INPP4A: variants seen among roughly 807,000 people sequenced by gnomAD.
The protein encoded by INPP4A is inositol polyphosphate-4-phosphatase type I A, also known as inositol polyphosphate-4-phosphatase, type I, 107kD.
INPP4A carries 33 observed loss-of-function variants against 119.8 expected under a neutral mutation model. The ratio of observed to expected loss-of-function variants is 0.28; its 90% CI spans 0.21 to 0.37. The LOEUF is 0.37. Ranked by LOEUF, INPP4A falls within the 10% of genes least tolerant of loss-of-function variation. The pLI is 1.00. For synonymous variants in INPP4A, 496 were observed against 500.7 expected (o/e 0.99, Z 0.12); for missense variants, 956 against 1,289.9 (o/e 0.74, Z 3.97).
chr2:98,452,003 C>T (rs149611265), intron 1 of INPP4A, among the ~76,000 whole-genome samples: 4 of 152,302 alleles, frequency 2.6e-5, no homozygotes, highest in African/African-American at 7.2e-5. Context: ...TCAAGGACCT[C>T]GATTCTGCTC....
chr2:98,528,932 G>C (rs895034384), intron 4 of INPP4A, among the ~76,000 whole-genome samples: 3 of 152,056 alleles, frequency 2.0e-5, no homozygotes, highest in Non-Finnish European at 4.4e-5. Context: ...AAAAAAATTA[G>C]CTGGGCGTGG....
At chr2:98,514,104 TG>T (rs1685648231) in intron 1 of INPP4A, among the ~76,000 whole-genome samples, 1 of 152,194 alleles carries the variant, frequency 6.6e-6, no homozygotes, top group African/African-American at 2.4e-5. Context: ...CTTTCTAGGT[TG>T]GATTAACAGC....
At chr2:98,577,859 G>A (rs1267170373) in intron 24 of INPP4A, among the ~76,000 whole-genome samples, 3 of 152,282 alleles carry the variant, frequency 2.0e-5, no homozygotes, top group South Asian at 2.1e-4. Flanking sequence ...CTGGTTTCCC[G>A]TCTCCTTCGA....
intron 16 of INPP4A, among the ~76,000 whole-genome samples, chr2:98,557,942 C>T (rs1008105485): frequency 7.9e-5 from 12 of 152,116 alleles, no homozygotes; most frequent in African/African-American, 2.9e-4. Flanking sequence ...CTGTTGCTCT[C>T]CTCATACCCA....
chr2:98,461,882 T>C (rs1358811805), intron 1 of INPP4A, among the ~76,000 whole-genome samples: 1 of 152,252 alleles, frequency 6.6e-6, no homozygotes, highest in Non-Finnish European at 1.5e-5. Flanking sequence ...CTTCAACCAG[T>C]GCTCTCTGGA....
chr2:98,534,597 A>G (rs924676407), intron 5 of INPP4A, among the ~76,000 whole-genome samples: 2 of 152,242 alleles, frequency 1.3e-5, no homozygotes, highest in Non-Finnish European at 2.9e-5. Context: ...GTGTGACCAC[A>G]GGGAAGGATC....
intron 1 of INPP4A, among the ~76,000 whole-genome samples, chr2:98,461,154 A>C (rs1357758251): frequency 6.6e-6 from 1 of 152,140 alleles, no homozygotes; most frequent in African/African-American, 2.4e-5. Flanking sequence ...TGGTAGTGAG[A>C]GATGATTACA....
chr2:98,503,723 ACT>A (rs1416675698), intron 1 of INPP4A, among the ~76,000 whole-genome samples: 1 of 152,154 alleles, frequency 6.6e-6, no homozygotes, highest in East Asian at 1.9e-4. Flanking sequence ...TCCTTTGGAC[ACT>A]CTCATCAGAA....
rs928138381 is a variant in INPP4A, at chr2:98,450,950, T to C, written c.-166+5865T>C. Among the ~76,000 whole-genome samples, 6 of 152,198 alleles carry C rather than the reference T, an allele frequency of 3.9e-5. 1 individual carries two copies. The highest frequency in any genetic ancestry group is 6.3e-3 in the Middle Eastern group (2 of 316). On this transcript the variant is annotated intron_variant, in intron 1 of 24. Coordinates refer to ENST00000409851, the MANE Select transcript of INPP4A (RefSeq NM_001134225.2). ...CCATGCCTGGCTAATTTTGTATTTT[T>C]AGTAGAGACGGGGTTTCACCATGTT...
At chr2:98,515,467 G>T (rs532631493) in intron 1 of INPP4A, among the ~76,000 whole-genome samples, 4 of 152,190 alleles carry the variant, frequency 2.6e-5, no homozygotes, top group South Asian at 4.1e-4. Flanking sequence ...GGGATCCGGT[G>T]GGTGGGGCAG....
intron 17 of INPP4A, among the ~76,000 whole-genome samples, chr2:98,562,082 C>T (rs537240626): frequency 3.3e-5 from 5 of 152,336 alleles, no homozygotes; most frequent in East Asian, 1.9e-4. Context: ...TGGCCGGGGC[C>T]GGGCCTCCAC....
intron 1 of INPP4A, among the ~76,000 whole-genome samples, chr2:98,459,545 C>G (rs1696762059): frequency 6.6e-6 from 1 of 152,292 alleles, no homozygotes; most frequent in African/African-American, 2.4e-5. Flanking sequence ...GTGTTAGATT[C>G]TACTTTACTG....
intron 1 of INPP4A, among the ~76,000 whole-genome samples, chr2:98,453,125 T>C (rs1695519368): frequency 6.6e-6 from 1 of 152,242 alleles, no homozygotes; most frequent in South Asian, 2.1e-4. Flanking sequence ...GAGATCACAA[T>C]GACCCACTTT....
At chr2:98,474,683 T>C (rs2104912768) in intron 1 of INPP4A, among the ~76,000 whole-genome samples, 1 of 152,348 alleles carries the variant, frequency 6.6e-6, no homozygotes, top group South Asian at 2.1e-4. Context: ...CCCTGACATT[T>C]GGCAGCCTCT....
At chr2:98,507,330 A>G (rs1310349574) in intron 1 of INPP4A, among the ~76,000 whole-genome samples, 2 of 152,248 alleles carry the variant, frequency 1.3e-5, no homozygotes, top group Non-Finnish European at 2.9e-5. Context: ...TTCTAAACAA[A>G]AGAGTTTATG....
intron 1 of INPP4A, among the ~76,000 whole-genome samples, chr2:98,496,357 C>T (rs372839317): frequency 6.6e-6 from 1 of 152,086 alleles, no homozygotes; most frequent in East Asian, 1.9e-4. Context: ...TATTTCTTAC[C>T]ATATACAAAA....
At position 98,554,117 on chromosome 2, in the gene INPP4A, T is replaced by G. The variant is rs1038283328; in HGVS notation, c.1348-154T>G. On this transcript the variant is annotated intron_variant, in intron 14 of 24. Coordinates refer to ENST00000409851, the MANE Select transcript of INPP4A (RefSeq NM_001134225.2). The surrounding 1 kb of genome is among the most constrained non-coding windows in gnomAD (Gnocchi z 4.7). ...TGGCAGTCTTTGTACTCAGACATCT[T>G]GAGGGATGTAGCCCTTCAGTTGCTT... 3.9e-5 allele frequency among the ~76,000 whole-genome samples: 6 copies of G among 152,242 alleles called. No individual in the cohort carries two copies. The highest frequency in any genetic ancestry group is 2.0e-4 in the Admixed American group (3 of 15,284).
At chr2:98,576,867 C>G in intron 23 of INPP4A, 122 bp from the exon 24 acceptor site, 1 of 1,213,614 alleles carries the variant, frequency 8.2e-7, no homozygotes, top group Non-Finnish European at 1.2e-6. Flanking sequence ...TCTGGCCAGG[C>G]CTGGGTGTTG....
At chr2:98,562,742 C>T (rs1695719453) in intron 17 of INPP4A, among the ~76,000 whole-genome samples, 1 of 152,038 alleles carries the variant, frequency 6.6e-6, no homozygotes, top group South Asian at 2.1e-4. Context: ...ATATCTTTCA[C>T]CCTGTTTTTC....
Sources: allele counts gnomAD v4.1 joint callset (sites outside exome capture counted in the v4.1 genomes callset), GRCh38; gene constraint gnomAD v4.1.1; non-coding constraint Gnocchi (gnomAD v3.1); transcripts MANE v1.5; gene names NCBI Gene and HGNC (gene_info 2026-07-23, HGNC 2026-07-21).